Variants in KIAA1217 observed in about 807,000 individuals in gnomAD.
The protein encoded by KIAA1217 is KIAA1217.
A neutral mutation model predicts 163.9 loss-of-function variants in KIAA1217; 88 were observed. That is an observed-to-expected ratio of 0.54 (90% CI 0.45 to 0.64). KIAA1217 has a LOEUF of 0.64. Among genes scored for constraint, KIAA1217 ranks in the 30% least tolerant of loss-of-function variants. KIAA1217 has a pLI of 0.00. For missense variants in KIAA1217, 2,372 were observed against 2,475.0 expected (o/e 0.96, Z 0.88); for synonymous variants, 903 against 923.1 (o/e 0.98, Z 0.39).
intron 1 of KIAA1217, among the ~76,000 whole-genome samples, chr10:23,824,113 A>G (rs542712564): frequency 3.2e-4 from 49 of 152,070 alleles, no homozygotes; most frequent in African/African-American, 1.0e-3. Flanking sequence ...CTCTACAAAA[A>G]ATACAAAAAA....
At chr10:24,479,083 A>T (rs10508675) in intron 6 of KIAA1217, among the ~76,000 whole-genome samples, 14,877 of 152,202 alleles carry the variant, frequency 0.098, 957 homozygotes, top group East Asian at 0.16. Flanking sequence ...AGCACCTATA[A>T]CTACAGAAAA....
chr10:24,192,154 C>T (rs760204858), intron 2 of KIAA1217, among the ~76,000 whole-genome samples: 3 of 152,192 alleles, frequency 2.0e-5, no homozygotes, highest in Non-Finnish European at 4.4e-5. Flanking sequence ...TATGTTTATG[C>T]ATACGTCTGG....
rs796365302 is a variant in KIAA1217 at position 24,141,225 on chromosome 10, A to AACCCC, written c.-170-78401_-170-78400insACCCC. On this transcript the variant is annotated intron_variant, in intron 2 of 18. Coordinates refer to the KIAA1217 transcript ENST00000376462. ...CTCTTAATGCTCAGAGAAAGAATAA[A>AACCCC]CCCCCCCCCCCCATTTCTCTCTTCT... Among the ~76,000 whole-genome samples the AACCCC allele has an allele frequency of 3.0e-4, 23 of 76,302 alleles. 1 individual carries two copies. The highest frequency in any genetic ancestry group is 7.2e-4 in the South Asian group (1 of 1,380). The allele number at this position is 76,302 out of a possible 152,430, so 50.1% of individuals were successfully genotyped here.
chr10:24,226,378 A>G (rs1341731238), intron 2 of KIAA1217, among the ~76,000 whole-genome samples: 1 of 152,064 alleles, frequency 6.6e-6, no homozygotes, highest in East Asian at 1.9e-4. Flanking sequence ...TGCAGTCCCA[A>G]CACTTTGGGA....
intron 2 of KIAA1217, among the ~76,000 whole-genome samples, chr10:24,321,273 C>T (rs531736704): frequency 6.6e-6 from 1 of 152,064 alleles, no homozygotes; most frequent in African/African-American, 2.4e-5. Context: ...GTGGCTTATG[C>T]CTGTAATCCC....
intron 2 of KIAA1217, among the ~76,000 whole-genome samples, chr10:24,201,327 A>G (rs2067244519): frequency 6.6e-6 from 1 of 152,178 alleles, no homozygotes; most frequent in South Asian, 2.1e-4. Flanking sequence ...AGCGTTACAC[A>G]AATTAGGCTC....
At chr10:23,811,343 G>T (rs375597123) in intron 1 of KIAA1217, among the ~76,000 whole-genome samples, 3 of 148,682 alleles carry the variant, frequency 2.0e-5, no homozygotes, top group South Asian at 4.2e-4. Context: ...ATAGTATATG[G>T]ACTAGAATTA....
rs1173744445 is a variant in KIAA1217 at position 24,536,759 on chromosome 10, A to G, written c.3415-15A>G. ...CCCTTGGATCCCTGTTAACCTCAGT[A>G]TTTTAATTCCTTAGGCATTCCAGAA... On this transcript the variant is annotated splice_polypyrimidine_tract_variant and intron_variant, in intron 16 of 20. Transcript: ENST00000376454. 1 of 1,612,432 alleles carries G rather than the reference A, an allele frequency of 6.2e-7. No individual in the cohort carries two copies. The highest frequency in any genetic ancestry group is 8.5e-7 in the Non-Finnish European group (1 of 1,178,990).
intron 8 of KIAA1217, among the ~76,000 whole-genome samples, chr10:24,499,198 A>G (rs189810757): frequency 1.4e-4 from 22 of 152,334 alleles, no homozygotes; most frequent in African/African-American, 4.1e-4. Flanking sequence ...AAAACTTCCA[A>G]TGGATTGTGG....
At chr10:24,046,029 G>A (rs974565151) in intron 2 of KIAA1217, among the ~76,000 whole-genome samples, 33 of 152,158 alleles carry the variant, frequency 2.2e-4, no homozygotes, top group African/African-American at 7.5e-4. Flanking sequence ...ATCTTAGAAT[G>A]TGGCATTTCT....
intron 2 of KIAA1217, chr10:24,158,836 G>A (rs1303569952): frequency 5.0e-5 from 18 of 362,522 alleles, no homozygotes; most frequent in Non-Finnish European, 8.9e-5. Context: ...AGAGTTAGCA[G>A]AGTGCTGCTG....
intron 1 of KIAA1217, among the ~76,000 whole-genome samples, chr10:23,911,822 G>C (rs974751253): frequency 6.6e-6 from 1 of 152,092 alleles, no homozygotes; most frequent in Non-Finnish European, 1.5e-5. Context: ...TTTGCAATCA[G>C]TAGGCAGGTG....
intron 1 of KIAA1217, among the ~76,000 whole-genome samples, chr10:23,987,651 A>C (rs1312648881): frequency 6.6e-6 from 1 of 151,390 alleles, no homozygotes; most frequent in East Asian, 1.9e-4. Context: ...GTGTGGTAAG[A>C]ATCCTTAAAA....
chr10:24,192,457 A>G (rs116825651), intron 2 of KIAA1217, among the ~76,000 whole-genome samples: 234 of 152,304 alleles, frequency 1.5e-3, no homozygotes, highest in African/African-American at 5.4e-3. Flanking sequence ...TTTGGGGGGT[A>G]GTATGCTCTG....
intron 2 of KIAA1217, among the ~76,000 whole-genome samples, chr10:24,174,446 A>G (rs1011237066): frequency 2.6e-5 from 4 of 152,216 alleles, no homozygotes; most frequent in South Asian, 2.1e-4. Context: ...ACACGAGTCT[A>G]AAGCTATACC....
intron 3 of KIAA1217, among the ~76,000 whole-genome samples, chr10:24,388,893 A>G (rs2054425282): frequency 7.2e-6 from 1 of 138,912 alleles, no homozygotes; most frequent in Admixed American, 6.9e-5. Context: ...ATCATTAAAA[A>G]GTCAGGAAAC....
intron 1 of KIAA1217, among the ~76,000 whole-genome samples, chr10:23,818,357 T>A (rs984292102): frequency 5.6e-5 from 8 of 143,044 alleles, no homozygotes; most frequent in African/African-American, 1.8e-4. Flanking sequence ...AAAAAATATA[T>A]ATATATATAT....
intron 2 of KIAA1217, among the ~76,000 whole-genome samples, chr10:24,335,407 C>T (rs1329899744): frequency 2.0e-5 from 3 of 150,342 alleles, no homozygotes; most frequent in Non-Finnish European, 1.5e-5. Context: ...GTTCTCCTGC[C>T]TTAGCCTCCC....
intron 1 of KIAA1217, among the ~76,000 whole-genome samples, chr10:23,879,170 G>A (rs1840837968): frequency 6.6e-6 from 1 of 151,880 alleles, no homozygotes; most frequent in Non-Finnish European, 1.5e-5. Context: ...TCTCAACTGA[G>A]ACCCACCTTC....
Sources: allele counts gnomAD v4.1 joint callset (sites outside exome capture counted in the v4.1 genomes callset), GRCh38; gene constraint gnomAD v4.1.1; transcripts MANE v1.5; gene names NCBI Gene and HGNC (gene_info 2026-07-23, HGNC 2026-07-21).